Variants in STRBP observed in about 807,000 individuals in gnomAD.
STRBP encodes the protein spermatid perinuclear RNA-binding protein.
Under a neutral mutation model 80.1 loss-of-function variants are expected in STRBP, and 13 were observed. The ratio of observed to expected loss-of-function variants is 0.16; its 90% CI spans 0.11 to 0.26. The LOEUF is 0.26. STRBP is among the 10% of genes least tolerant of loss of function. The probability of loss-of-function intolerance (pLI) is 1.00; values close to 1 mark genes in which losing one functional copy is unlikely to be tolerated. For synonymous variants in STRBP, 284 were observed against 291.2 expected (o/e 0.98, Z 0.25); for missense variants, 485 against 815.2 (o/e 0.59, Z 4.93).
chr9:123,215,169 C>T (rs914352451), intron 2 of STRBP, among the ~76,000 whole-genome samples: 49 of 152,056 alleles, frequency 3.2e-4, no homozygotes, highest in Non-Finnish European at 2.5e-4. Context: ...TGGGCTCAAG[C>T]GATCCTCCCA....
intron 2 of STRBP, chr9:123,212,779 G>A (rs1437433867): frequency 1.3e-5 from 2 of 152,138 alleles, no homozygotes; most frequent in Non-Finnish European, 2.9e-5. Flanking sequence ...CCCATACAGC[G>A]TTATACAAAG....
chr9:123,245,550 T>C lies in STRBP; in HGVS notation c.-301-8584A>G, dbSNP rs1490948387. On this transcript the variant is annotated intron_variant, in intron 1 of 18. Transcript: ENST00000348403. ...GAGCTGCCACCACACCCAGCTAATGTTTTTGTATTTTTAGTAGAGATGGGG... is the reference window on the plus strand; with the variant it reads ...GAGCTGCCACCACACCCAGCTAATGCTTTTGTATTTTTAGTAGAGATGGGG... Among the ~76,000 whole-genome samples the C allele has an allele frequency of 4.6e-5, 7 of 152,208 alleles. No homozygotes were observed. The South Asian group carries it at 8.3e-4, about 18-fold the overall frequency.
rs190397259 is a variant in STRBP at position 123,201,229 on chromosome 9, T to A, written c.-164-16931A>T. On this transcript the variant is annotated intron_variant, in intron 2 of 18. Transcript: ENST00000348403. Reference sequence around the variant, plus strand: ...TTGTGTGTGTTTGAATTTCATTTAGTTCTGCTCTGATCTTTGTTACTTCTT... The same window carrying A: ...TTGTGTGTGTTTGAATTTCATTTAGATCTGCTCTGATCTTTGTTACTTCTT... 5.9e-5 allele frequency among the ~76,000 whole-genome samples: 9 copies of A among 152,304 alleles called. No individual in the cohort carries two copies. In the East Asian group the frequency reaches 1.7e-3, roughly 29 times the overall value.
chr9:123,208,427 C>T (rs1227260515), intron 2 of STRBP, among the ~76,000 whole-genome samples: 2 of 152,206 alleles, frequency 1.3e-5, no homozygotes, highest in African/African-American at 2.4e-5. Context: ...CCTTAGCTAG[C>T]GCACAGTTTG....
intron 3 of STRBP, chr9:123,111,384 C>T (rs746082113): frequency 3.3e-6 from 1 of 300,896 alleles, no homozygotes; most frequent in Non-Finnish European, 6.8e-6. Flanking sequence ...CTATCTAAAA[C>T]TCCTACTCCT....
At chr9:123,143,684 T>C (rs952044020) in intron 13 of STRBP, among the ~76,000 whole-genome samples, 17 of 152,226 alleles carry the variant, frequency 1.1e-4, no homozygotes, top group African/African-American at 3.6e-4. Context: ...GTATTTATCT[T>C]TTGACCCAAT....
intron 2 of STRBP, among the ~76,000 whole-genome samples, chr9:123,214,693 C>A (rs953481696): frequency 7.9e-5 from 12 of 152,098 alleles, no homozygotes; most frequent in African/African-American, 1.9e-4. Context: ...CATTAATTCT[C>A]CCTCCTCTTT....
At chr9:123,145,657 T>C (rs565105829) in intron 13 of STRBP, among the ~76,000 whole-genome samples, 15 of 152,310 alleles carry the variant, frequency 9.8e-5, no homozygotes, top group African/African-American at 3.6e-4. Flanking sequence ...CACAAGCTTT[T>C]CGTGTCAGCT....
At chr9:123,179,368 C>T in intron 3 of STRBP, 141 bp from the exon 4 acceptor site, 1 of 675,738 alleles carries the variant, frequency 1.5e-6, no homozygotes, top group East Asian at 2.8e-5. Context: ...GAAAAAACTG[C>T]TCCAGCGTGG....
intron 16 of STRBP, among the ~76,000 whole-genome samples, chr9:123,133,857 T>G (rs960476477): frequency 1.3e-5 from 2 of 152,042 alleles, no homozygotes; most frequent in African/African-American, 4.8e-5. Flanking sequence ...ATTAAATAAA[T>G]AAATACCACT....
intron 1 of STRBP, among the ~76,000 whole-genome samples, chr9:123,237,573 A>C (rs2040596174): frequency 6.6e-6 from 1 of 151,724 alleles, no homozygotes; most frequent in African/African-American, 2.4e-5. Flanking sequence ...AACAAGAACA[A>C]CCTTGAAAGC....
chr9:123,161,177 A>G lies in STRBP; in HGVS notation c.536-109T>C, dbSNP rs150966319. 20 of 822,592 alleles carry G rather than the reference A, an allele frequency of 2.4e-5. No homozygotes were observed. In the Admixed American group the frequency reaches 6.2e-4, roughly 25 times the overall value. 51.0% of individuals were successfully genotyped at this position (822,592 alleles called of 1,614,324 possible). Reference sequence around the variant, plus strand: ...AGAATAACAGCATTTGAGTGAACTAATAAGACTCCCAGAAAATTTCCTCAT... The same window carrying G: ...AGAATAACAGCATTTGAGTGAACTAGTAAGACTCCCAGAAAATTTCCTCAT... On this transcript the variant is annotated intron_variant, in intron 6 of 18. Coordinates refer to ENST00000348403, the MANE Select transcript of STRBP (RefSeq NM_018387.5).
At position 123,124,958 on chromosome 9, in the gene STRBP, G is replaced by C; in HGVS notation, c.*639C>G. On this transcript the variant is annotated 3_prime_UTR_variant, in exon 19 of 19. Coordinates refer to ENST00000348403, the MANE Select transcript of STRBP (RefSeq NM_018387.5). ...TAGCACTTTGCTTACAAGTGAATGG[G>C]CTTCTAGGGCTAAGTTATTAGTTTT... 2 of 985,722 alleles carry C rather than the reference G, an allele frequency of 2.0e-6. No individual in the cohort carries two copies. Among genetic ancestry groups the C allele is most frequent in the Non-Finnish European group, 2.4e-6 (2 of 829,898 alleles). The allele number at this position is 985,722 out of a possible 1,614,324, so 61.1% of individuals were successfully genotyped here.
chr9:123,240,679 C>T (rs1402538032), intron 1 of STRBP, among the ~76,000 whole-genome samples: 1 of 152,158 alleles, frequency 6.6e-6, no homozygotes, highest in African/African-American at 2.4e-5. Flanking sequence ...TCTGCCTTCC[C>T]CTCCTCCAGA....
At chr9:123,240,805 TCAC>T (rs2040677332) in intron 1 of STRBP, among the ~76,000 whole-genome samples, 1 of 152,154 alleles carries the variant, frequency 6.6e-6, no homozygotes, top group South Asian at 2.1e-4. Flanking sequence ...TATATACAAA[TCAC>T]CACACTATAT....
In STRBP at chr9:123,146,990, C is replaced by A. The variant is rs370967749; in HGVS notation, c.1203G>T (p.Gly401=). 52 of 1,613,820 alleles carry A rather than the reference C, an allele frequency of 3.2e-5. No individual in the cohort carries two copies. The highest frequency in any genetic ancestry group is 4.2e-5 in the Non-Finnish European group (50 of 1,179,980). The change falls in exon 13 of 19, where the codon GGG becomes GGT. Residue 401 remains glycine (G), a synonymous_variant. Transcript: ENST00000348403. ...ALMRLNQIRP[G]LQYKLLSQSG... ...ACTGAGATAGGAGCTTATACTGAAG[C>A]CCAGGCCTGATCTGATTTAGCCTCA... is the stretch of plus-strand genomic sequence containing the variant.
chr9:123,128,420 T>C (rs2035985675), intron 17 of STRBP, among the ~76,000 whole-genome samples, 162 bp from the exon 18 acceptor site: 1 of 152,208 alleles, frequency 6.6e-6, no homozygotes, highest in Admixed American at 6.5e-5. Context: ...CTAGCCACTC[T>C]CTGTGTGCCT....
intron 1 of STRBP, among the ~76,000 whole-genome samples, chr9:123,250,524 G>GT (rs900077509): frequency 2.6e-5 from 4 of 151,926 alleles, no homozygotes; most frequent in East Asian, 3.9e-4. Context: ...AAAAAAAAAA[G>GT]TTTTTTTTGA....
At chr9:123,231,782 A>G (rs1178926437) in intron 2 of STRBP, among the ~76,000 whole-genome samples, 1 of 152,110 alleles carries the variant, frequency 6.6e-6, no homozygotes, top group African/African-American at 2.4e-5. Context: ...TAAATCTGTC[A>G]CCCACCTTCC....
Sources: allele counts gnomAD v4.1 joint callset (sites outside exome capture counted in the v4.1 genomes callset), GRCh38; gene constraint gnomAD v4.1.1; transcripts MANE v1.5; gene names NCBI Gene and HGNC (gene_info 2026-07-23, HGNC 2026-07-21).